Variants in GSE1 observed in about 807,000 individuals in gnomAD.
The protein encoded by GSE1 is Gse1 coiled-coil protein.
In GSE1, 32 loss-of-function variants were observed where a neutral mutation model predicts 112.6. That is an observed-to-expected ratio of 0.28 (90% confidence interval 0.21 to 0.38). GSE1 has a LOEUF of 0.38. Among genes scored for constraint, GSE1 ranks in the 10% least tolerant of loss-of-function variants. The pLI is 1.00. For synonymous variants in GSE1, 1,115 were observed against 735.6 expected, an observed-to-expected ratio of 1.52 and a Z score of -8.35; for missense variants, 2,348 against 1,699.2, an observed-to-expected ratio of 1.38 and a Z score of -6.71.
chr16:85,578,836 C>T (rs1256314535), intron 1 of GSE1, among the ~76,000 whole-genome samples: 21 of 152,096 alleles, frequency 1.4e-4, no homozygotes, highest in Admixed American at 1.4e-3. Context: ...CCACCGTGCA[C>T]CCCGGTCACT....
intron 2 of GSE1, among the ~76,000 whole-genome samples, chr16:85,440,151 G>C (rs1238947337): frequency 6.6e-6 from 1 of 152,242 alleles, no homozygotes; most frequent in East Asian, 1.9e-4. Context: ...TGTCGAGTCA[G>C]TGAATGCATG....
intron 3 of GSE1, among the ~76,000 whole-genome samples, chr16:85,652,608 G>GA (rs1225796814): frequency 6.6e-6 from 1 of 152,204 alleles, no homozygotes; most frequent in African/African-American, 2.4e-5. Flanking sequence ...GGAGGGTGGA[G>GA]AGAGGGGAGG....
chr16:85,403,302 C>G (rs1251296174), intron 2 of GSE1, among the ~76,000 whole-genome samples: 1 of 152,184 alleles, frequency 6.6e-6, no homozygotes, highest in Non-Finnish European at 1.5e-5. Context: ...ATGTTCCATT[C>G]ATTAGGGGCA....
At chr16:85,554,971 G>A, upstream of GSE1, 1 of 985,402 alleles carries the variant, frequency 1.0e-6, no homozygotes, top group Non-Finnish European at 1.2e-6. Context: ...CCGGCTTCCT[G>A]CGCCCCGCTC....
intron 1 of GSE1, among the ~76,000 whole-genome samples, chr16:85,177,151 A>C (rs973547821): frequency 2.0e-5 from 3 of 152,236 alleles, no homozygotes; most frequent in Admixed American, 2.0e-4. Flanking sequence ...AAAGGTCTTC[A>C]AAACTCGGCC....
intron 2 of GSE1, among the ~76,000 whole-genome samples, chr16:85,533,515 A>C (rs2044207310): frequency 6.6e-6 from 1 of 152,180 alleles, no homozygotes. Context: ...AATGACTCAA[A>C]TAAATATGCA....
intron 1 of GSE1, among the ~76,000 whole-genome samples, chr16:85,604,426 G>T (rs531541870): frequency 1.3e-4 from 19 of 151,934 alleles, no homozygotes; most frequent in Admixed American, 9.2e-4. Flanking sequence ...GGACATGTAG[G>T]TTTTCACTTT....
At chr16:85,534,733 G>A (rs890134219) in intron 2 of GSE1, among the ~76,000 whole-genome samples, 4 of 152,148 alleles carry the variant, frequency 2.6e-5, no homozygotes, top group Non-Finnish European at 5.9e-5. Context: ...TTGGGGTACT[G>A]GGGTAGTTTT....
rs372907629 is a variant in GSE1 at position 85,435,455 on chromosome 16, G to A, written c.2464+77812G>A. ...TCCCTCCCTCTCCCTCGACTGCAGCGGAAATTCCTCTGAGCCTGTGCCCTA... is the reference window on the plus strand; with the variant it reads ...TCCCTCCCTCTCCCTCGACTGCAGCAGAAATTCCTCTGAGCCTGTGCCCTA... On this transcript the variant is annotated intron_variant, in intron 2 of 2. Transcript: ENST00000637419. Among the ~76,000 whole-genome samples the A allele has an allele frequency of 2.7e-4, 41 of 152,268 alleles. No homozygotes were observed. The East Asian group carries it at 5.6e-3, about 21-fold the overall frequency.
chr16:85,455,927 G>C (rs1034843100), intron 2 of GSE1, among the ~76,000 whole-genome samples: 1 of 152,214 alleles, frequency 6.6e-6, no homozygotes, highest in Non-Finnish European at 1.5e-5. Flanking sequence ...GTCAGGCCCC[G>C]CTTTGTGTGC....
intron 2 of GSE1, among the ~76,000 whole-genome samples, chr16:85,535,132 C>G (rs1163604860): frequency 6.6e-6 from 1 of 152,214 alleles, no homozygotes; most frequent in African/African-American, 2.4e-5. Context: ...CCCCAAAGGG[C>G]TCCAGGCTCA....
intron 2 of GSE1, among the ~76,000 whole-genome samples, chr16:85,636,960 G>A (rs193122371): frequency 6.6e-5 from 10 of 152,236 alleles, no homozygotes; most frequent in Non-Finnish European, 8.8e-5. Flanking sequence ...CCCCATCTGC[G>A]CCAGAGGGCA....
At position 85,428,297 on chromosome 16, in the gene GSE1, G is replaced by C. The variant is rs535694434; in HGVS notation, c.2464+70654G>C. Among the ~76,000 whole-genome samples the C allele has an allele frequency of 2.0e-5, 3 of 152,316 alleles. No homozygotes were observed. The South Asian group carries it at 6.2e-4, about 32-fold the overall frequency. ...ACCACCCAGGATTCCCTCGTGCCTT[G>C]GTGAGAGCTGTGAGGGGCAACGATG... On this transcript the variant is annotated intron_variant, in intron 2 of 2. Transcript: ENST00000637419.
intron 1 of GSE1, among the ~76,000 whole-genome samples, chr16:85,183,762 C>T (rs1414208029): frequency 1.3e-5 from 2 of 152,180 alleles, no homozygotes; most frequent in African/African-American, 4.8e-5. Context: ...TACAGATGTA[C>T]AGGCTGAGGC....
At chr16:85,343,124 G>A (rs2046659630) in intron 1 of GSE1, among the ~76,000 whole-genome samples, 2 of 152,072 alleles carry the variant, frequency 1.3e-5, no homozygotes. Context: ...TCAGCAAGCA[G>A]TTCAACAAAG....
chr16:85,174,119 G>A (rs1485210439), intron 1 of GSE1, among the ~76,000 whole-genome samples: 2 of 152,198 alleles, frequency 1.3e-5, no homozygotes, highest in Non-Finnish European at 2.9e-5. Flanking sequence ...GAATTTGTTG[G>A]AATGAGGCAG....
At chr16:85,171,944 T>G (rs2074365616) in intron 1 of GSE1, 2 of 401,342 alleles carry the variant, frequency 5.0e-6, no homozygotes, top group Non-Finnish European at 3.4e-6. Context: ...CCGGGGGAGG[T>G]ACCCTCCCTG....
At chr16:85,402,224 T>C (rs2048131184) in intron 2 of GSE1, among the ~76,000 whole-genome samples, 1 of 152,132 alleles carries the variant, frequency 6.6e-6, no homozygotes, top group Non-Finnish European at 1.5e-5. Flanking sequence ...TGAGATAAGC[T>C]GGTGGGTACT....
Position 85,661,677 on chromosome 16 carries a change from C to T in GSE1, c.2172C>T (p.Tyr724=). The change falls in exon 9 of 16, where the codon TAC becomes TAT. Residue 724 remains tyrosine, a synonymous_variant. Transcript: ENST00000253458. ...TGCCACGGGCCCCCGACCCTGCCTACATCTATGATGAGTTCCTGCAGCAGC... is the reference window on the plus strand; with the variant it reads ...TGCCACGGGCCCCCGACCCTGCCTATATCTATGATGAGTTCCTGCAGCAGC... ...PPVPRAPDPA[Y]IYDEFLQQRR... The T allele has an allele frequency of 1.9e-6, 3 of 1,610,646 alleles. No homozygotes were observed. Among genetic ancestry groups the T allele is most frequent in the Non-Finnish European group, 2.5e-6 (3 of 1,179,156 alleles).
Sources: gnomAD v4.1 joint callset for allele counts (sites outside exome capture counted in the v4.1 genomes callset) on GRCh38, gnomAD v4.1.1 for gene constraint, MANE v1.5 for transcripts, NCBI Gene and HGNC (gene_info 2026-07-23, HGNC 2026-07-21) for gene names.